Variants in LDB2 observed in about 807,000 individuals in gnomAD.
The protein encoded by LDB2 is LIM domain-binding protein 2.
A neutral mutation model predicts 44.3 loss-of-function variants in LDB2; 12 were observed. That is an observed-to-expected ratio of 0.27 (90% CI 0.17 to 0.44). The LOEUF (loss-of-function observed/expected upper bound fraction) is 0.44, where lower values mean the gene tolerates loss of function less well. LDB2 is among the 20% of genes least tolerant of loss of function. The pLI, the probability that LDB2 is intolerant of heterozygous loss-of-function variation, is 1.00. For synonymous variants in LDB2, 164 were observed against 174.8 expected, an observed-to-expected ratio of 0.94 and a Z score of 0.49; for missense variants, 344 against 473.5, an observed-to-expected ratio of 0.73 and a Z score of 2.54.
At chr4:16,811,152 G>A (rs371937735) in intron 1 of LDB2, among the ~76,000 whole-genome samples, 33 of 152,330 alleles carry the variant, frequency 2.2e-4, no homozygotes, top group African/African-American at 7.7e-4. Flanking sequence ...GCACAGGTTT[G>A]TTAAAAGGAT....
chr4:16,774,998 G>A lies in LDB2; in HGVS notation c.133-15738C>T, dbSNP rs563795730. Among the ~76,000 whole-genome samples, 5 of 152,282 alleles carry A rather than the reference G, an allele frequency of 3.3e-5. No individual in the cohort carries two copies. In the South Asian group the frequency reaches 1.0e-3, roughly 32 times the overall value. ...TTCAGATGCATGCTGTGTATAACAT[G>A]TGCCTCAAAACACTATGGCAATGAG... is the stretch of plus-strand genomic sequence containing the variant. On this transcript the variant is annotated intron_variant, in intron 1 of 7. Coordinates refer to ENST00000304523, the MANE Select transcript of LDB2 (RefSeq NM_001290.5).
intron 1 of LDB2, among the ~76,000 whole-genome samples, chr4:16,848,257 C>T (rs1441418990): frequency 6.6e-6 from 1 of 152,170 alleles, no homozygotes; most frequent in African/African-American, 2.4e-5. Context: ...TAAATTAAGG[C>T]TATGTAACAT....
chr4:16,668,675 C>T (rs189258681), intron 2 of LDB2, among the ~76,000 whole-genome samples: 51 of 152,298 alleles, frequency 3.3e-4, no homozygotes, highest in African/African-American at 1.1e-3. Context: ...TCTATGACTC[C>T]AGATTCTTTA....
chr4:16,589,574 C>CT (rs1324024473), intron 3 of LDB2, among the ~76,000 whole-genome samples: 1 of 152,046 alleles, frequency 6.6e-6, no homozygotes, highest in African/African-American at 2.4e-5. Context: ...GCATTTTAAT[C>CT]TTTTTTTGAT....
At chr4:16,739,676 G>GTGTATATATGTATATATACATA (rs1561055951) in intron 2 of LDB2, among the ~76,000 whole-genome samples, 1 of 52,200 alleles carries the variant, frequency 1.9e-5, no homozygotes, top group Admixed American at 2.0e-4. Flanking sequence ...ATATACATAT[G>GTGTATATATGTATATATACATA]TGTGTATATA....
chr4:16,761,569 C>T (rs1187457263), intron 1 of LDB2, among the ~76,000 whole-genome samples: 5 of 152,300 alleles, frequency 3.3e-5, no homozygotes, highest in Admixed American at 3.3e-4. Flanking sequence ...CTTATTCTAC[C>T]TTCCCCAGCC....
At chr4:16,522,666 C>T (rs1726679810) in intron 5 of LDB2, among the ~76,000 whole-genome samples, 1 of 152,148 alleles carries the variant, frequency 6.6e-6, no homozygotes, top group Middle Eastern at 3.4e-3. Context: ...TGTAAATATA[C>T]ACACACACAT....
At chr4:16,794,028 A>G (rs758597037) in intron 1 of LDB2, among the ~76,000 whole-genome samples, 7 of 152,162 alleles carry the variant, frequency 4.6e-5, no homozygotes, top group Non-Finnish European at 1.0e-4. Context: ...TTCAGTTAGT[A>G]TTACATATTC....
At chr4:16,503,002 C>CA in intron 7 of LDB2, 129 bp from the exon 8 acceptor site, 1 of 1,595,418 alleles carries the variant, frequency 6.3e-7, no homozygotes, top group Non-Finnish European at 8.5e-7. Context: ...GGTCAAGTCT[C>CA]AATGTCGGGG....
intron 5 of LDB2, among the ~76,000 whole-genome samples, chr4:16,570,179 A>G (rs937374502): frequency 5.3e-5 from 8 of 152,110 alleles, no homozygotes; most frequent in Non-Finnish European, 8.8e-5. Flanking sequence ...AAAAGTTTAC[A>G]TCGGCTGGAC....
intron 1 of LDB2, among the ~76,000 whole-genome samples, chr4:16,827,084 C>T (rs2110016560): frequency 6.6e-6 from 1 of 152,268 alleles, no homozygotes; most frequent in Non-Finnish European, 1.5e-5. Flanking sequence ...TGCTATTCAT[C>T]ATTACATCCT....
chr4:16,755,862 C>A (rs1317639025), intron 2 of LDB2, among the ~76,000 whole-genome samples: 1 of 152,130 alleles, frequency 6.6e-6, no homozygotes, highest in Admixed American at 6.5e-5. Context: ...TAGGGATGCA[C>A]AGGCCAATTT....
At chr4:16,699,176 A>G (rs1489105917) in intron 2 of LDB2, among the ~76,000 whole-genome samples, 1 of 152,226 alleles carries the variant, frequency 6.6e-6, no homozygotes, top group Non-Finnish European at 1.5e-5. Flanking sequence ...CACATTCTTC[A>G]TCTTTAATCG....
At chr4:16,744,561 G>A (rs574353562) in intron 2 of LDB2, among the ~76,000 whole-genome samples, 16 of 151,808 alleles carry the variant, frequency 1.1e-4, no homozygotes, top group Admixed American at 2.6e-4. Flanking sequence ...TGCAAGCTCC[G>A]CCTCCTGGGT....
intron 1 of LDB2, among the ~76,000 whole-genome samples, chr4:16,841,931 C>T (rs1454585256): frequency 6.6e-6 from 1 of 152,144 alleles, no homozygotes; most frequent in Admixed American, 6.5e-5. Context: ...ACTCTTAGAA[C>T]ACAAAGATCC....
At chr4:16,652,347 A>G (rs560999399) in intron 2 of LDB2, among the ~76,000 whole-genome samples, 1 of 152,386 alleles carries the variant, frequency 6.6e-6, no homozygotes, top group African/African-American at 2.4e-5. Flanking sequence ...AACAAAATAC[A>G]ATCCACTCTT....
At chr4:16,530,229 T>C (rs369841691) in intron 5 of LDB2, among the ~76,000 whole-genome samples, 2 of 152,346 alleles carry the variant, frequency 1.3e-5, no homozygotes, top group East Asian at 3.9e-4. Context: ...CACTGCTGCC[T>C]TGGTGTCAGC....
chr4:16,675,170 T>C (rs1046722870), intron 2 of LDB2, among the ~76,000 whole-genome samples: 1 of 152,202 alleles, frequency 6.6e-6, no homozygotes, highest in Admixed American at 6.5e-5. Context: ...CCACTCAGCT[T>C]TCCCCAATGG....
chr4:16,762,270 C>T (rs78621776), intron 1 of LDB2, among the ~76,000 whole-genome samples: 2,706 of 152,200 alleles, frequency 0.018, 75 homozygotes, highest in African/African-American at 0.062. Flanking sequence ...CCATTAGCAA[C>T]CCTTTTCCCT....
Sources: gnomAD v4.1 joint callset for allele counts (sites outside exome capture counted in the v4.1 genomes callset) on GRCh38, gnomAD v4.1.1 for gene constraint, MANE v1.5 for transcripts, NCBI Gene and HGNC (gene_info 2026-07-23, HGNC 2026-07-21) for gene names.